Variants in RIN2 observed in about 807,000 individuals in gnomAD.
The protein encoded by RIN2 is Ras and Rab interactor 2.
A neutral mutation model predicts 78.0 loss-of-function variants in RIN2; 36 were observed. That is an observed-to-expected ratio of 0.46 (90% CI 0.35 to 0.61). RIN2 has a LOEUF of 0.61. Ranked by LOEUF, RIN2 falls within the 20% of genes least tolerant of loss-of-function variation. RIN2 has a pLI of 0.00. For synonymous variants in RIN2, 466 were observed against 466.8 expected (o/e 1.00, Z 0.02); for missense variants, 1,087 against 1,159.7 (o/e 0.94, Z 0.91).
chr20:19,931,701 C>T lies in RIN2; in HGVS notation c.58-3398C>T, dbSNP rs574597325. 2.5e-5 allele frequency among the ~76,000 whole-genome samples: 3 copies of T among 122,006 alleles called. No individual in the cohort carries two copies. The East Asian group carries it at 8.7e-4, about 36-fold the overall frequency. The allele number at this position is 122,006 out of a possible 152,430, so 80.0% of individuals were successfully genotyped here. A position where few individuals can be genotyped will look rare whatever the true frequency, so the allele number is the denominator to read the frequency against. On this transcript the variant is annotated intron_variant, in intron 3 of 12. Transcript: ENST00000255006. ...TTCACATGCTGTATATAATGCTTCT[C>T]GATTTGCCTTTTTTTTTTTTTTTTC...
At chr20:19,922,678 A>G (rs767193210) in intron 3 of RIN2, among the ~76,000 whole-genome samples, 1 of 151,986 alleles carries the variant, frequency 6.6e-6, no homozygotes, top group Non-Finnish European at 1.5e-5. Flanking sequence ...AAGTCCATCC[A>G]TGCTTCTCAG....
At chr20:19,832,188 G>A (rs1025119276) in intron 2 of RIN2, among the ~76,000 whole-genome samples, 3 of 151,462 alleles carry the variant, frequency 2.0e-5, no homozygotes, top group Non-Finnish European at 4.4e-5. Flanking sequence ...GCTGAGCCCA[G>A]TGGGGATACT....
chr20:19,761,470 C>A (rs1032579920), intron 1 of RIN2, among the ~76,000 whole-genome samples: 5 of 152,060 alleles, frequency 3.3e-5, no homozygotes, highest in Admixed American at 3.3e-4. Flanking sequence ...TTTAGAATGA[C>A]ACCATAGTAT....
chr20:19,965,030 G>T lies in RIN2; in HGVS notation c.536+6G>T, dbSNP rs781134385. On this transcript the variant is annotated splice_donor_region_variant and intron_variant, in intron 7 of 12. Transcript: ENST00000255006. Reference sequence around the variant, plus strand: ...GCTTTCTACTGCATCAGCAGGTAAGGCCTCTTCCTCTCATATGGTTTCAAG... The same window carrying T: ...GCTTTCTACTGCATCAGCAGGTAAGTCCTCTTCCTCTCATATGGTTTCAAG... 5 of 1,609,842 alleles carry T rather than the reference G, an allele frequency of 3.1e-6. No homozygotes were observed. The South Asian group carries it at 4.4e-5, about 14-fold the overall frequency.
At chr20:19,857,875 G>A (rs1027140364) in intron 2 of RIN2, among the ~76,000 whole-genome samples, 1 of 152,160 alleles carries the variant, frequency 6.6e-6, no homozygotes, top group African/African-American at 2.4e-5. Context: ...ATGTTGAACA[G>A]TCTTTTGAAT....
chr20:19,803,948 T>C (rs1163993568), intron 2 of RIN2, among the ~76,000 whole-genome samples: 1 of 152,222 alleles, frequency 6.6e-6, no homozygotes, highest in Non-Finnish European at 1.5e-5. Flanking sequence ...TATTTTATTC[T>C]CTTTATAGCA....
chr20:19,784,292 T>C (rs189903445), intron 1 of RIN2, among the ~76,000 whole-genome samples: 81 of 152,242 alleles, frequency 5.3e-4, no homozygotes, highest in Non-Finnish European at 5.6e-4. Flanking sequence ...AAGTATGCTA[T>C]AGTGGTCAGA....
At chr20:19,861,660 C>T (rs1166423259) in intron 2 of RIN2, among the ~76,000 whole-genome samples, 1 of 150,258 alleles carries the variant, frequency 6.7e-6, no homozygotes, top group African/African-American at 2.5e-5. Context: ...TCTGATCACT[C>T]TCCATATCTG....
intron 1 of RIN2, among the ~76,000 whole-genome samples, chr20:19,793,270 G>C (rs909920708): frequency 6.6e-6 from 1 of 152,000 alleles, no homozygotes; most frequent in Admixed American, 6.6e-5. Flanking sequence ...AAATTTTTTT[G>C]TATTAAGTCT....
chr20:19,788,718 A>G (rs1001539619), intron 1 of RIN2, among the ~76,000 whole-genome samples: 10 of 152,196 alleles, frequency 6.6e-5, no homozygotes, highest in Non-Finnish European at 4.4e-5. Flanking sequence ...CCTTAACAAT[A>G]GATATGCAAG....
chr20:19,759,537 T>C (rs1439370661), intron 1 of RIN2, among the ~76,000 whole-genome samples: 1 of 152,092 alleles, frequency 6.6e-6, no homozygotes, highest in Non-Finnish European at 1.5e-5. Flanking sequence ...TAAGCAAAAA[T>C]CAACATTTTA....
At chr20:19,947,460 T>A (rs893641637) in intron 4 of RIN2, among the ~76,000 whole-genome samples, 1 of 152,326 alleles carries the variant, frequency 6.6e-6, no homozygotes, top group Middle Eastern at 3.4e-3. Context: ...CAGTTCTTTA[T>A]GTTTGGGAGA....
intron 8 of RIN2, among the ~76,000 whole-genome samples, chr20:19,973,017 G>A (rs1032734366): frequency 6.6e-5 from 10 of 151,880 alleles, no homozygotes; most frequent in Admixed American, 1.3e-4. Context: ...TCATGTATTC[G>A]AAACCCAATG....
chr20:19,898,736 G>A (rs2038851016), intron 3 of RIN2, among the ~76,000 whole-genome samples: 1 of 152,312 alleles, frequency 6.6e-6, no homozygotes, highest in Admixed American at 6.5e-5. Flanking sequence ...GTCAAACACA[G>A]ATACATTCCT....
At chr20:19,767,709 G>A (rs915889597) in intron 1 of RIN2, among the ~76,000 whole-genome samples, 1 of 152,024 alleles carries the variant, frequency 6.6e-6, no homozygotes. Flanking sequence ...TGGATCACCT[G>A]AGGTCAGGAG....
chr20:19,852,007 T>C (rs1446339272), intron 2 of RIN2, among the ~76,000 whole-genome samples: 1 of 152,170 alleles, frequency 6.6e-6, no homozygotes, highest in Non-Finnish European at 1.5e-5. Flanking sequence ...GGCTACTCCA[T>C]ATGTCTTTCG....
At chr20:19,777,162 G>A (rs1484458060) in intron 1 of RIN2, among the ~76,000 whole-genome samples, 2 of 152,194 alleles carry the variant, frequency 1.3e-5, no homozygotes, top group Non-Finnish European at 2.9e-5. Flanking sequence ...CTTTTTAAAT[G>A]TAGGAGGTTT....
intron 1 of RIN2, among the ~76,000 whole-genome samples, chr20:19,795,578 G>T (rs1417035009): frequency 6.6e-6 from 1 of 152,144 alleles, no homozygotes; most frequent in East Asian, 1.9e-4. Context: ...AAACAATACA[G>T]TCTGATGTTA....
intron 8 of RIN2, among the ~76,000 whole-genome samples, chr20:19,974,071 T>G (rs536192031): frequency 1.3e-5 from 2 of 152,344 alleles, no homozygotes; most frequent in Admixed American, 1.3e-4. Context: ...GTTTTTCTGC[T>G]GATGGGACCC....
Sources: allele counts gnomAD v4.1 joint callset (sites outside exome capture counted in the v4.1 genomes callset), GRCh38; gene constraint gnomAD v4.1.1; transcripts MANE v1.5; gene names NCBI Gene and HGNC (gene_info 2026-07-23, HGNC 2026-07-21).